The following NHS variants were observed in gnomAD, a reference collection of about 807,000 sequenced individuals.
NHS encodes the protein NHS actin remodeling regulator, also known as actin remodeling regulator NHS.
A neutral mutation model predicts 72.5 loss-of-function variants in NHS; 5 were observed. That is an observed-to-expected ratio of 0.07 (90% CI 0.04 to 0.14). The LOEUF is 0.14. Among genes scored for constraint, NHS ranks in the 10% least tolerant of loss-of-function variants. The pLI is 1.00. For missense variants in NHS, 1,072 were observed against 1,355.7 expected, an observed-to-expected ratio of 0.79 and a Z score of 3.29; for synonymous variants, 464 against 547.7, an observed-to-expected ratio of 0.85 and a Z score of 2.13.
chrX:17,550,811 A>G (rs540676214), intron 1 of NHS, among the ~76,000 whole-genome samples: 1 of 111,531 alleles, frequency 9.0e-6, no homozygotes, highest in African/African-American at 3.3e-5. Flanking sequence ...AAGGTTGCCG[A>G]CTCACTCAGG....
intron 1 of NHS, among the ~76,000 whole-genome samples, chrX:17,421,618 C>G (rs780311680): frequency 1.6e-4 from 18 of 110,249 alleles, no homozygotes; most frequent in African/African-American, 5.3e-4. Context: ...GCTCTGTCGC[C>G]CATGCTGGAG....
chrX:17,663,175 T>C (rs2065991601), intron 1 of NHS, among the ~76,000 whole-genome samples: 2 of 111,523 alleles, frequency 1.8e-5, no homozygotes, highest in Non-Finnish European at 3.8e-5. Flanking sequence ...CACAACACAG[T>C]AGCATCCAAC....
At chrX:17,645,263 C>A (rs955749282) in intron 1 of NHS, among the ~76,000 whole-genome samples, 1 of 111,499 alleles carries the variant, frequency 9.0e-6, no homozygotes, top group African/African-American at 3.3e-5. Flanking sequence ...GTATTATTTT[C>A]CACTCTTCAT....
chrX:17,640,042 G>A (rs1025485031), intron 1 of NHS, among the ~76,000 whole-genome samples: 5 of 111,770 alleles, frequency 4.5e-5, no homozygotes, highest in African/African-American at 9.8e-5. Flanking sequence ...TGAGTCTGAG[G>A]GGCATAGGAG....
At chrX:17,513,126 G>A (rs958209599) in intron 1 of NHS, among the ~76,000 whole-genome samples, 9 of 111,807 alleles carry the variant, frequency 8.0e-5, no homozygotes, top group African/African-American at 2.9e-4. Flanking sequence ...AGATTATTAC[G>A]AGCTGAAGCA....
In NHS at chrX:17,378,059, CGTGTGTGT is replaced by C. The variant is rs34807039; in HGVS notation, c.565+1757_565+1764del. Among the ~76,000 whole-genome samples the C allele has an allele frequency of 1.3e-4, 13 of 101,058 alleles. No homozygotes were observed. The South Asian group carries it at 2.9e-3, about 22-fold the overall frequency. 87.8% of individuals were successfully genotyped at this position (101,058 alleles called of 115,157 possible). On this transcript the variant is annotated intron_variant, in intron 1 of 8. Coordinates refer to ENST00000676302, the MANE Select transcript of NHS (RefSeq NM_001291867.2). ...ACTGTTGAGTGGTGCATACATTTCCCGTGTGTGTGTGTGTGTGTGTGTGTGTGAGACAC... is the reference window on the plus strand; with the variant it reads ...ACTGTTGAGTGGTGCATACATTTCCCGTGTGTGTGTGTGTGTGTGAGACAC...
chrX:17,499,235 G>T (rs2065026769), intron 1 of NHS, among the ~76,000 whole-genome samples: 2 of 110,730 alleles, frequency 1.8e-5, no homozygotes, highest in African/African-American at 6.6e-5. Flanking sequence ...TGGAGAGTTG[G>T]CACTCTTTCA....
At chrX:17,666,444 G>A (rs1454032816) in intron 1 of NHS, among the ~76,000 whole-genome samples, 5 of 112,169 alleles carry the variant, frequency 4.5e-5, no homozygotes, top group African/African-American at 6.5e-5. Context: ...ACAACGTGGT[G>A]TTATGCACCT....
chrX:17,676,398 G>A lies in NHS; in HGVS notation c.566-11344G>A, dbSNP rs771905926. Among the ~76,000 whole-genome samples, 12 of 111,910 alleles carry A rather than the reference G, an allele frequency of 1.1e-4. No individual in the cohort carries two copies. The East Asian group carries it at 2.8e-3, about 26-fold the overall frequency. Reference sequence around the variant, plus strand: ...TTCTTCTCTATTTTTCCCATGGAGAGAGCCTGCTCTCAAGAAACTATGAGT... The same window carrying A: ...TTCTTCTCTATTTTTCCCATGGAGAAAGCCTGCTCTCAAGAAACTATGAGT... On this transcript the variant is annotated intron_variant, in intron 1 of 8. Transcript: ENST00000676302.
intron 1 of NHS, among the ~76,000 whole-genome samples, chrX:17,652,384 T>C (rs1447754686): frequency 8.9e-6 from 1 of 112,645 alleles, no homozygotes; most frequent in Non-Finnish European, 1.9e-5. Flanking sequence ...GTGGCTTGTA[T>C]ACACAACAGA....
intron 1 of NHS, among the ~76,000 whole-genome samples, chrX:17,681,040 TG>T (rs200566809): frequency 0.013 from 1,507 of 112,281 alleles, 32 homozygotes; most frequent in African/African-American, 0.046. Context: ...AGTCAATAGA[TG>T]GCAGAGACTT....
At chrX:17,566,171 C>T (rs1381750482) in intron 1 of NHS, among the ~76,000 whole-genome samples, 4 of 108,914 alleles carry the variant, frequency 3.7e-5, no homozygotes, top group Non-Finnish European at 5.7e-5. Flanking sequence ...TTTGTAGAGA[C>T]GGAATTTCAC....
At chrX:17,568,972 A>G (rs1251985644) in intron 1 of NHS, among the ~76,000 whole-genome samples, 1 of 110,677 alleles carries the variant, frequency 9.0e-6, no homozygotes, top group Admixed American at 9.6e-5. Context: ...AGCTTCATCC[A>G]TGTCCCTTCA....
At chrX:17,448,916 T>C (rs2064794336) in intron 1 of NHS, among the ~76,000 whole-genome samples, 1 of 112,705 alleles carries the variant, frequency 8.9e-6, no homozygotes, top group Non-Finnish European at 1.9e-5. Flanking sequence ...ATAATAATAA[T>C]ATCTAATCTT....
At chrX:17,599,701 A>G (rs181355201) in intron 1 of NHS, among the ~76,000 whole-genome samples, 9 of 111,647 alleles carry the variant, frequency 8.1e-5, no homozygotes, top group African/African-American at 2.9e-4. Context: ...AATGTCTTTT[A>G]TATAAAATGA....
chrX:17,513,487 T>C (rs1030811748), intron 1 of NHS, among the ~76,000 whole-genome samples: 2 of 112,569 alleles, frequency 1.8e-5, no homozygotes, highest in African/African-American at 3.2e-5. Flanking sequence ...TTTTTCAGAA[T>C]GTGGACTTCA....
At chrX:17,399,047 G>A (rs1284990418) in intron 1 of NHS, among the ~76,000 whole-genome samples, 2 of 111,973 alleles carry the variant, frequency 1.8e-5, no homozygotes, top group East Asian at 5.6e-4. Flanking sequence ...GGATCTGAAA[G>A]CATGGCTCTT....
intron 1 of NHS, among the ~76,000 whole-genome samples, chrX:17,503,325 T>C (rs754279274): frequency 1.7e-4 from 19 of 112,151 alleles, no homozygotes; most frequent in African/African-American, 6.2e-4. Flanking sequence ...AAAATGGTAA[T>C]GTTGGAGTGA....
At chrX:17,403,393 G>A in intron 1 of NHS, among the ~76,000 whole-genome samples, 1 of 111,785 alleles carries the variant, frequency 8.9e-6, no homozygotes, top group Non-Finnish European at 1.9e-5. Context: ...ACGATTGCAG[G>A]CTCCAAGCCC....
Sources: allele counts gnomAD v4.1 joint callset (sites outside exome capture counted in the v4.1 genomes callset), GRCh38; gene constraint gnomAD v4.1.1; transcripts MANE v1.5; gene names NCBI Gene and HGNC (gene_info 2026-07-23, HGNC 2026-07-21).